KCNH7: variants seen among roughly 807,000 people sequenced by gnomAD.
KCNH7 encodes potassium voltage-gated channel subfamily H member 7.
KCNH7 carries 49 observed loss-of-function variants against 120.8 expected under a neutral mutation model. The observed-to-expected ratio is 0.41, with a 90% CI of 0.32 to 0.51. The LOEUF is 0.51. KCNH7 is among the 20% of genes least tolerant of loss of function. The pLI is 0.38. For synonymous variants in KCNH7, 547 were observed against 516.1 expected (o/e 1.06, Z -0.81); for missense variants, 1,097 against 1,446.6 (o/e 0.76, Z 3.92).
At chr2:162,614,790 T>G (rs1247513851) in intron 2 of KCNH7, among the ~76,000 whole-genome samples, 1 of 150,634 alleles carries the variant, frequency 6.6e-6, no homozygotes, top group Admixed American at 6.6e-5. Context: ...TAGTTACTTT[T>G]TCTAGGTGGT....
At chr2:162,714,206 A>G (rs1321191582) in intron 2 of KCNH7, among the ~76,000 whole-genome samples, 4 of 152,112 alleles carry the variant, frequency 2.6e-5, no homozygotes, top group African/African-American at 9.7e-5. Context: ...GGGTTATATT[A>G]ATAGTTTTTG....
intron 2 of KCNH7, among the ~76,000 whole-genome samples, chr2:162,690,978 A>G (rs1686081625): frequency 1.3e-5 from 2 of 152,142 alleles, no homozygotes; most frequent in South Asian, 4.1e-4. Flanking sequence ...GTTAATAAAG[A>G]TAGGGAGGAA....
At chr2:162,645,041 C>A (rs1684305102) in intron 2 of KCNH7, among the ~76,000 whole-genome samples, 1 of 152,120 alleles carries the variant, frequency 6.6e-6, no homozygotes, top group African/African-American at 2.4e-5. Context: ...ATAAGTACAA[C>A]TTTTCTGCTC....
At chr2:162,668,965 G>A (rs1178220894) in intron 2 of KCNH7, among the ~76,000 whole-genome samples, 1 of 152,092 alleles carries the variant, frequency 6.6e-6, no homozygotes, top group Non-Finnish European at 1.5e-5. Context: ...AGCAGATAAT[G>A]CAGCTAAAGG....
intron 2 of KCNH7, among the ~76,000 whole-genome samples, chr2:162,616,508 C>T (rs936842556): frequency 6.6e-6 from 1 of 152,122 alleles, no homozygotes; most frequent in Non-Finnish European, 1.5e-5. Context: ...CTTTCTGGGT[C>T]TTTGTTCCTC....
At chr2:162,753,032 C>T (rs1166532690) in intron 2 of KCNH7, among the ~76,000 whole-genome samples, 2 of 15,384 alleles carry the variant, frequency 1.3e-4, no homozygotes, top group Non-Finnish European at 8.2e-4. Flanking sequence ...AGAAAAGAAA[C>T]CCTGACTAAT....
chr2:162,729,037 G>A (rs987622764), intron 2 of KCNH7, among the ~76,000 whole-genome samples: 9 of 151,274 alleles, frequency 5.9e-5, no homozygotes, highest in Non-Finnish European at 1.2e-4. Flanking sequence ...CTGTTACAGC[G>A]CCATTTGTTT....
Position 162,371,736 on chromosome 2 carries a change from G to A in KCNH7, c.*93C>T. 2 of 1,192,966 alleles carry A rather than the reference G, an allele frequency of 1.7e-6. No homozygotes were observed. Among genetic ancestry groups the A allele is most frequent in the African/African-American group, 1.5e-5 (1 of 65,154 alleles). The allele number at this position is 1,192,966 out of a possible 1,614,324, so 73.9% of individuals were successfully genotyped here. A position where few individuals can be genotyped will look rare whatever the true frequency, so the allele number is the denominator to read the frequency against. On this transcript the variant is annotated 3_prime_UTR_variant, in exon 16 of 16. Transcript: ENST00000332142. ...TTTTGCATATAATGGTACCTTGTGA[G>A]CCCCTGAGTCAAGTAGAGAGGATTT...
intron 2 of KCNH7, among the ~76,000 whole-genome samples, chr2:162,666,842 G>T (rs1230963582): frequency 6.6e-6 from 1 of 152,008 alleles, no homozygotes; most frequent in Non-Finnish European, 1.5e-5. Context: ...TGGCCTTTTA[G>T]TTCCTCTGGT....
chr2:162,833,274 GCTAA>G (rs988009145), intron 2 of KCNH7, among the ~76,000 whole-genome samples: 31 of 129,036 alleles, frequency 2.4e-4, no homozygotes, highest in Admixed American at 8.1e-4. Flanking sequence ...AGTTGTGGGG[GCTAA>G]CTAAAATATT....
At chr2:162,544,812 A>G (rs1692422346) in intron 2 of KCNH7, among the ~76,000 whole-genome samples, 1 of 151,962 alleles carries the variant, frequency 6.6e-6, no homozygotes, top group Admixed American at 6.6e-5. Context: ...CCCACATTTC[A>G]TTTTAATCTA....
At position 162,373,344 on chromosome 2, in the gene KCNH7, T is replaced by G. The variant is rs1364738841; in HGVS notation, c.3324+126A>C. 1.6e-5 allele frequency: 9 copies of G among 563,468 alleles called. No homozygotes were observed. The East Asian group carries it at 2.5e-4, about 16-fold the overall frequency. The allele number at this position is 563,468 out of a possible 1,614,324, so 34.9% of individuals were successfully genotyped here. On this transcript the variant is annotated intron_variant, in intron 15 of 15. Transcript: ENST00000332142. The stretch of plus-strand genomic sequence containing the variant: ...ACAGGGCCCATTTCCAGAAATTCTA[T>G]TTGAGTAGAAACAGAGATAGGGACA...
chr2:162,443,376 C>T (rs552055340), intron 7 of KCNH7, among the ~76,000 whole-genome samples: 2 of 152,300 alleles, frequency 1.3e-5, no homozygotes, highest in South Asian at 2.1e-4. Context: ...CCCCACAACA[C>T]ACTTTTTCTC....
At chr2:162,586,534 A>G (rs1036167842) in intron 2 of KCNH7, among the ~76,000 whole-genome samples, 1 of 152,070 alleles carries the variant, frequency 6.6e-6, no homozygotes, top group Admixed American at 6.6e-5. Flanking sequence ...TACCCAGCTG[A>G]TCAGAGCCCA....
In KCNH7 at chr2:162,835,349, T is replaced by G. The variant is rs1422277219; in HGVS notation, c.307+1188A>C. ...AATTATAAGAAAATAAGAGTAAGAC[T>G]GAAACCTTTTTCCTGCTGTCTTTTT... On this transcript the variant is annotated intron_variant, in intron 2 of 15. Coordinates refer to ENST00000332142, the MANE Select transcript of KCNH7 (RefSeq NM_033272.4). Among the ~76,000 whole-genome samples, 5 of 152,154 alleles carry G rather than the reference T, an allele frequency of 3.3e-5. No individual in the cohort carries two copies. In the South Asian group the frequency reaches 1.0e-3, roughly 32 times the overall value.
At chr2:162,782,903 A>G (rs987488509) in intron 2 of KCNH7, among the ~76,000 whole-genome samples, 1 of 152,126 alleles carries the variant, frequency 6.6e-6, no homozygotes, top group African/African-American at 2.4e-5. Context: ...CAATAAGAGC[A>G]GCATATGTGA....
At chr2:162,504,158 A>T (rs1047466834) in intron 6 of KCNH7, among the ~76,000 whole-genome samples, 3 of 152,042 alleles carry the variant, frequency 2.0e-5, no homozygotes, top group African/African-American at 7.2e-5. Flanking sequence ...GCCAAACACT[A>T]AGTGTCCAAA....
intron 2 of KCNH7, among the ~76,000 whole-genome samples, chr2:162,727,710 T>C (rs1179307957): frequency 1.3e-5 from 2 of 152,218 alleles, no homozygotes; most frequent in Non-Finnish European, 2.9e-5. Flanking sequence ...ATAGAACAGT[T>C]TGTTTACATA....
At chr2:162,661,938 ATAT>A (rs1346535026) in intron 2 of KCNH7, among the ~76,000 whole-genome samples, 1 of 151,930 alleles carries the variant, frequency 6.6e-6, no homozygotes, top group African/African-American at 2.4e-5. Context: ...CCAAACTCTC[ATAT>A]TATTGTTGTA....
Sources: gnomAD v4.1 joint callset for allele counts (sites outside exome capture counted in the v4.1 genomes callset) on GRCh38, gnomAD v4.1.1 for gene constraint, MANE v1.5 for transcripts, NCBI Gene and HGNC (gene_info 2026-07-23, HGNC 2026-07-21) for gene names.